Variants in TEP1 observed in about 807,000 individuals in gnomAD.
TEP1 encodes telomerase protein component 1.
A neutral mutation model predicts 306.3 loss-of-function variants in TEP1; 241 were observed. That is an observed-to-expected ratio of 0.79 (90% CI 0.71 to 0.88). The LOEUF (loss-of-function observed/expected upper bound fraction) is 0.88. TEP1 is among the 40% of genes least tolerant of loss of function. The pLI, the probability that TEP1 is intolerant of heterozygous loss-of-function variation, is 0.00. For synonymous variants in TEP1, 1,289 were observed against 1,305.5 expected (o/e 0.99, Z 0.27); for missense variants, 3,051 against 3,276.1 (o/e 0.93, Z 1.68).
rs538221458 is a variant in TEP1, at chr14:20,403,446, C to G, written c.1197G>C (p.Gly399=). ...ATCTGTGAGAAAATGGAGGCTCCATCCCCTGTAGGGACAGGAGAAGCAATT... is the reference window on the plus strand; with the variant it reads ...ATCTGTGAGAAAATGGAGGCTCCATGCCCTGTAGGGACAGGAGAAGCAATT... ...RHPRRPPRSP[G]MEPPFSHRCF... Residue 399 remains glycine, a splice_region_variant and synonymous_variant, in exon 7 of 55, where the codon GGG becomes GGC. Coordinates refer to ENST00000262715, the MANE Select transcript of TEP1 (RefSeq NM_007110.5). The G allele has an allele frequency of 6.2e-7, 1 of 1,614,170 alleles. No homozygotes were observed. Among genetic ancestry groups the G allele is most frequent in the Non-Finnish European group, 8.5e-7 (1 of 1,180,020 alleles).
At chr14:20,372,245 C>T (rs1884882414) in intron 49 of TEP1, among the ~76,000 whole-genome samples, 1 of 152,158 alleles carries the variant, frequency 6.6e-6, no homozygotes, top group South Asian at 2.1e-4. Context: ...CCTTCCTCTT[C>T]CTGAAACACT....
chr14:20,372,311 T>G (rs866784320), intron 49 of TEP1, among the ~76,000 whole-genome samples: 1 of 151,802 alleles, frequency 6.6e-6, no homozygotes, highest in Non-Finnish European at 1.5e-5. Context: ...GTGTCCAACC[T>G]TAAATACCAA....
Position 20,383,598 on chromosome 14 carries a change from C to A in TEP1, c.3757G>T (p.Glu1253Ter). The change falls in exon 26 of 55, where the codon GAG becomes TAG. Residue 1253 changes from glutamate to a stop codon, truncating the protein, a stop_gained. Transcript: ENST00000262715. LOFTEE classifies it high-confidence loss of function. ...TGGGTCTGGCCAGGATGCAGGGACT[C>A]AGCAGACTTGGGCAGCAGCCTCTGC... ...LQQRLLPKSAESLHPGQTQVL... is the reference protein window; with the variant it reads ...LQQRLLPKSA 2.5e-6 allele frequency: 4 copies of A among 1,613,960 alleles called. No homozygotes were observed. The highest frequency in any genetic ancestry group is 3.4e-6 in the Non-Finnish European group (4 of 1,179,966).
chr14:20,410,988 A>G (rs1325770706), intron 1 of TEP1, among the ~76,000 whole-genome samples: 1 of 150,674 alleles, frequency 6.6e-6, no homozygotes, highest in Non-Finnish European at 1.5e-5. Flanking sequence ...CACCCAGCTA[A>G]TTTTTGTATT....
At chr14:20,386,350 C>T in intron 19 of TEP1, 97 bp downstream of exon 19, 7 of 1,577,216 alleles carry the variant, frequency 4.4e-6, no homozygotes, top group Non-Finnish European at 5.2e-6. Context: ...CCGCCTTCAC[C>T]CTCATCCATT....
rs1876466269 is a variant in TEP1, at chr14:20,380,938, G to C, written c.4755C>G (p.Ala1585=). 1 of 1,613,756 alleles carries C rather than the reference G, an allele frequency of 6.2e-7. No individual in the cohort carries two copies. Among genetic ancestry groups the C allele is most frequent in the Non-Finnish European group, 8.5e-7 (1 of 1,179,712 alleles). Residue 1585 remains alanine, a synonymous_variant, in exon 33 of 55, where the codon GCC becomes GCG. Transcript: ENST00000262715. ...GCCAGTGACTCATCTCACCATAGAG[G>C]GCATGGGCCTCCAAGAGCCGAGAGA... ...GLVSRLLEAH[A]LYASSVPKEE...
At chr14:20,387,858 G>T in intron 18 of TEP1, 47 bp downstream of exon 18, 2 of 1,545,914 alleles carry the variant, frequency 1.3e-6, no homozygotes, top group South Asian at 1.3e-5. Context: ...CCCAAGGTTT[G>T]ACTGCAGCCC....
At chr14:20,375,938 G>T in intron 42 of TEP1, 70 bp from the exon 43 acceptor site, 1 of 1,508,238 alleles carries the variant, frequency 6.6e-7, no homozygotes, top group South Asian at 1.1e-5. Context: ...GCCATTTCAG[G>T]CAAGAAATTT....
chr14:20,395,790 TTGG>T, intron 11 of TEP1, 66 bp downstream of exon 11: 1 of 1,549,818 alleles, frequency 6.5e-7, no homozygotes, highest in Non-Finnish European at 8.9e-7. Flanking sequence ...GCTAAAAATA[TTGG>T]TGCTGCTGCT....
intron 2 of TEP1, among the ~76,000 whole-genome samples, chr14:20,407,188 C>T (rs917084821): frequency 1.3e-5 from 2 of 152,204 alleles, no homozygotes; most frequent in African/African-American, 4.8e-5. Flanking sequence ...CATGCACAGA[C>T]AATTAAGTGG....
rs201450910 is a variant in TEP1, at chr14:20,377,796, G to A, written c.5722-43C>T. ...GGCTTAAGGATACCACCTCCACCAC[G>A]CGGTCCTCCTTCCTGTTTTGAGTTA... is the stretch of plus-strand genomic sequence containing the variant. On this transcript the variant is annotated intron_variant, in intron 39 of 54. Transcript: ENST00000262715. 6.9e-5 allele frequency: 111 copies of A among 1,605,410 alleles called. 1 individual carries two copies. The East Asian group carries it at 2.0e-3, about 28-fold the overall frequency.
At chr14:20,383,045 C>T in intron 27 of TEP1, 129 bp downstream of exon 27, 1 of 1,120,936 alleles carries the variant, frequency 8.9e-7, no homozygotes, top group Non-Finnish European at 1.3e-6. Context: ...TAACAACTTC[C>T]CATGGACAGA....
At position 20,390,943 on chromosome 14, in the gene TEP1, C is replaced by G. The variant is rs1877655225; in HGVS notation, c.2251G>C (p.Val751Leu). 4 of 1,613,984 alleles carry G rather than the reference C, an allele frequency of 2.5e-6. No individual in the cohort carries two copies. The highest frequency in any genetic ancestry group is 1.3e-5 in the African/African-American group (1 of 74,924). ...GTGGGTGTTGAGTGTCTGACCTGGA[C>G]TTGAGCCTGGAGCTTGATGGCAGTC... ...LKTAIKLQAQ[V>L]QEFDENDGWS... Residue 751 changes from valine (V) to leucine (L), a missense_variant, in exon 14 of 55, where the codon GTC (valine) becomes CTC (leucine). Around this residue, in one of 3 missense-constraint regions of TEP1, gnomAD observed 1,507 missense variants for 1,550.5 expected, o/e 0.97. Transcript: ENST00000262715.
chr14:20,397,549 G>A lies in TEP1; in HGVS notation c.1550-819C>T, dbSNP rs192006797. Among the ~76,000 whole-genome samples, 399 of 152,092 alleles carry A rather than the reference G, an allele frequency of 2.6e-3. 7 individuals are homozygous for A. Among genetic ancestry groups the A allele is most frequent in the Admixed American group, 0.023 (357 of 15,266 alleles). ...AAAAAAGTTCACCATTTATAATGAC[G>A]AATGTATGTAAATCCATATTTGAAA... On this transcript the variant is annotated intron_variant, in intron 9 of 54. Transcript: ENST00000262715.
At chr14:20,371,775 G>C (rs908701979) in intron 49 of TEP1, 143 bp from the exon 50 acceptor site, 1 of 1,070,430 alleles carries the variant, frequency 9.3e-7, no homozygotes, top group Non-Finnish European at 1.3e-6. Context: ...CCACTTTCTG[G>C]TTTTTGTTTT....
Position 20,380,442 on chromosome 14 carries a change from G to C in TEP1, c.4796C>G (p.Pro1599Arg). ...SSVPKEEQKL[P>R]EADVAVFRTF... ...GCGAAACACTGCAACGTCAGCCTCG[G>C]GGAGCTTTTGTTCCTCTTTGGGGAC... Residue 1599 changes from proline to arginine, a missense_variant, in exon 34 of 55, where the codon CCC becomes CGC. Physicochemically the swap from Pro to Arg is moderately radical, Grantham distance 103. Coordinates refer to ENST00000262715, the MANE Select transcript of TEP1 (RefSeq NM_007110.5). 6.2e-7 allele frequency: 1 copy of C among 1,613,886 alleles called. No individual in the cohort carries two copies.
chr14:20,401,402 T>C (rs1016923260), intron 8 of TEP1, 55 bp downstream of exon 8: 17 of 1,605,354 alleles, frequency 1.1e-5, no homozygotes, highest in African/African-American at 1.3e-5. Context: ...CCACGGATGT[T>C]GAAAAGTTAA....
In TEP1 at chr14:20,387,551, C is replaced by CAAAAAAA. The variant is rs34816712; in HGVS notation, c.2684+347_2684+353dup. On this transcript the variant is annotated intron_variant, in intron 18 of 54. Transcript: ENST00000262715. Reference sequence around the variant, plus strand: ...TGGGCGACACAGCGAGACTCCGTCTCAAAAAAAAAAAGAAATTAAGCAACT... The same window carrying CAAAAAAA: ...TGGGCGACACAGCGAGACTCCGTCTCAAAAAAAAAAAAAAAAAAGAAATTAAGCAACT... Among the ~76,000 whole-genome samples, 5 of 127,730 alleles carry CAAAAAAA rather than the reference C, an allele frequency of 3.9e-5. No homozygotes were observed. The South Asian group carries it at 1.4e-3, about 36-fold the overall frequency. The allele number at this position is 127,730 out of a possible 152,430, so 83.8% of individuals were successfully genotyped here.
chr14:20,377,371 T>A lies in TEP1; in HGVS notation c.5997A>T (p.Glu1999Asp). Reference sequence around the variant, plus strand: ...GGAGCCAGAGGGACTGAAGGGAGCATTCCTTGAGTGCCCAGCCCTGCAAGG... The same window carrying A: ...GGAGCCAGAGGGACTGAAGGGAGCAATCCTTGAGTGCCCAGCCCTGCAAGG... ...DGSLQGWALK[E>D]CSLQSLWLLS... The change falls in exon 41 of 55, where the codon GAA becomes GAT. Residue 1999 changes from glutamate to aspartate, a missense_variant. Around this residue, in one of 3 missense-constraint regions of TEP1, gnomAD observed 1,540 missense variants for 1,705.9 expected, o/e 0.90. Transcript: ENST00000262715. The A allele has an allele frequency of 6.2e-7, 1 of 1,614,122 alleles. No individual in the cohort carries two copies. The highest frequency in any genetic ancestry group is 8.5e-7 in the Non-Finnish European group (1 of 1,179,998).
Sources: gnomAD v4.1 joint callset for allele counts (sites outside exome capture counted in the v4.1 genomes callset) on GRCh38, gnomAD v4.1.1 for gene constraint, gnomAD v4.1.1 regional missense constraint, MANE v1.5 for transcripts, NCBI Gene and HGNC (gene_info 2026-07-23, HGNC 2026-07-21) for gene names.